Variants in RBM47 observed in about 807,000 individuals in gnomAD.
RBM47 encodes the protein RNA-binding protein 47.
A neutral mutation model predicts 47.1 loss-of-function variants in RBM47; 21 were observed. That is an observed-to-expected ratio of 0.45 (90% CI 0.32 to 0.64). The LOEUF (loss-of-function observed/expected upper bound fraction) is 0.64, where lower values mean the gene tolerates loss of function less well. RBM47 is among the 30% of genes least tolerant of loss of function. RBM47 has a pLI of 0.05. For missense variants in RBM47, 708 were observed against 870.9 expected (o/e 0.81, Z 2.35); for synonymous variants, 375 against 361.7 (o/e 1.04, Z -0.42).
At chr4:40,490,833 T>A (rs940848556) in intron 2 of RBM47, among the ~76,000 whole-genome samples, 2 of 152,058 alleles carry the variant, frequency 1.3e-5, no homozygotes, top group Non-Finnish European at 2.9e-5. Flanking sequence ...AAAATGACAA[T>A]ACTCCTCGAT....
chr4:40,575,791 G>A (rs1732241210), intron 1 of RBM47, among the ~76,000 whole-genome samples: 1 of 152,142 alleles, frequency 6.6e-6, no homozygotes, highest in Non-Finnish European at 1.5e-5. Context: ...AGTGATATTT[G>A]GTCATCTGGA....
At chr4:40,469,310 T>A (rs1322208701) in intron 2 of RBM47, among the ~76,000 whole-genome samples, 1 of 152,150 alleles carries the variant, frequency 6.6e-6, no homozygotes, top group Non-Finnish European at 1.5e-5. Flanking sequence ...GGATCACAGA[T>A]GTGCCTTTCA....
At chr4:40,581,519 T>C (rs1447765596) in intron 1 of RBM47, among the ~76,000 whole-genome samples, 7 of 151,320 alleles carry the variant, frequency 4.6e-5, no homozygotes, top group Admixed American at 4.6e-4. Flanking sequence ...CTGGGGAAGA[T>C]GAAGAATGAG....
At chr4:40,577,205 T>G (rs1732423639) in intron 1 of RBM47, among the ~76,000 whole-genome samples, 1 of 152,186 alleles carries the variant, frequency 6.6e-6, no homozygotes, top group Admixed American at 6.5e-5. Context: ...CCTGGAGTGC[T>G]GAGCCAAGAG....
rs959528249 is a variant in RBM47, at chr4:40,438,516, G to C, written c.378C>G (p.Arg126=). The change falls in exon 4 of 7, where the codon CGC becomes CGG. Residue 126 remains arginine (R), a synonymous_variant. Transcript: ENST00000295971. The part of the protein sequence containing the change: ...VMYCHKHEAK[R]AVRELNNYEI... Reference sequence around the variant, plus strand: ...CGTAGTTGTTGAGCTCACGCACTGCGCGCTTGGCCTCGTGCTTGTGGCAGT... The same window carrying C: ...CGTAGTTGTTGAGCTCACGCACTGCCCGCTTGGCCTCGTGCTTGTGGCAGT... 2 of 1,613,580 alleles carry C rather than the reference G, an allele frequency of 1.2e-6. No individual in the cohort carries two copies. Among genetic ancestry groups the C allele is most frequent in the Admixed American group, 3.3e-5 (2 of 60,002 alleles).
At chr4:40,484,011 T>A (rs751915549) in intron 2 of RBM47, among the ~76,000 whole-genome samples, 7 of 152,184 alleles carry the variant, frequency 4.6e-5, no homozygotes, top group Non-Finnish European at 8.8e-5. Context: ...CTTATAGGAA[T>A]GGTTAAATAA....
At chr4:40,580,180 G>A (rs920587653) in intron 1 of RBM47, among the ~76,000 whole-genome samples, 3 of 151,748 alleles carry the variant, frequency 2.0e-5, no homozygotes, top group South Asian at 2.1e-4. Flanking sequence ...AGTCAAATGA[G>A]TCCACTTCAT....
chr4:40,623,912 C>T (rs918820266), intron 1 of RBM47, among the ~76,000 whole-genome samples: 10 of 152,086 alleles, frequency 6.6e-5, no homozygotes, highest in South Asian at 2.1e-4. Context: ...AGTGCAGTGA[C>T]GCAATCTCGG....
Position 40,544,457 on chromosome 4 carries a change from T to C in RBM47, c.-190A>G, listed in dbSNP as rs1421023254. 1.3e-5 allele frequency: 2 copies of C among 152,234 alleles called. No homozygotes were observed. Among genetic ancestry groups the C allele is most frequent in the Non-Finnish European group, 2.9e-5 (2 of 68,060 alleles). 9.4% of individuals were successfully genotyped at this position (152,234 alleles called of 1,614,324 possible). ...CAGTGAGCCAAGGATTGCTGATCTC[T>C]GCTGGGTGACCTGACGCAGAGTCTC... On this transcript the variant is annotated 5_prime_UTR_variant, in exon 2 of 7. Transcript: ENST00000295971.
chr4:40,516,216 T>C (rs1208596439), intron 2 of RBM47, among the ~76,000 whole-genome samples: 1 of 151,856 alleles, frequency 6.6e-6, no homozygotes, highest in Admixed American at 6.6e-5. Flanking sequence ...GAGAGGAACA[T>C]AATGGGTGTT....
chr4:40,431,551 G>A (rs1035258634), intron 6 of RBM47, among the ~76,000 whole-genome samples: 5 of 151,988 alleles, frequency 3.3e-5, no homozygotes, highest in Non-Finnish European at 5.9e-5. Flanking sequence ...CCAGCTACTC[G>A]GGAGGCTGAG....
intron 2 of RBM47, among the ~76,000 whole-genome samples, chr4:40,535,705 G>A (rs577536464): frequency 9.2e-5 from 14 of 152,112 alleles, no homozygotes; most frequent in East Asian, 7.7e-4. Context: ...GATTACCAGC[G>A]CCTGCCACCA....
In RBM47 at chr4:40,437,090, A is replaced by AAT. The variant is rs1247522305; in HGVS notation, c.1124-445_1124-444dup. ...CCCTGTCTCAAAAAAAAAAAAAAAA[A>AAT]ATATATATATATATATATATAAAAT... On this transcript the variant is annotated intron_variant, in intron 4 of 6. Coordinates refer to ENST00000295971, the MANE Select transcript of RBM47 (RefSeq NM_001098634.2). Among the ~76,000 whole-genome samples the AAT allele has an allele frequency of 6.9e-3, 345 of 49,802 alleles. 34 individuals are homozygous for AAT. Among genetic ancestry groups the AAT allele is most frequent in the Non-Finnish European group, 8.4e-3 (253 of 30,200 alleles). The allele number at this position is 49,802 out of a possible 152,430, so 32.7% of individuals were successfully genotyped here. A position where few individuals can be genotyped will look rare whatever the true frequency, so the allele number is the denominator to read the frequency against.
At chr4:40,605,466 G>A (rs1006605157) in intron 1 of RBM47, among the ~76,000 whole-genome samples, 1 of 152,206 alleles carries the variant, frequency 6.6e-6, no homozygotes, top group Non-Finnish European at 1.5e-5. Context: ...ACACACTGCT[G>A]CTTTTAGGTG....
chr4:40,565,338 T>G (rs751774576), intron 1 of RBM47, among the ~76,000 whole-genome samples: 3 of 152,194 alleles, frequency 2.0e-5, no homozygotes, highest in Non-Finnish European at 4.4e-5. Context: ...CTAGCCAACC[T>G]TGGTGCTGGA....
intron 1 of RBM47, among the ~76,000 whole-genome samples, chr4:40,549,554 G>A (rs575598277): frequency 5.9e-4 from 80 of 136,410 alleles, no homozygotes; most frequent in Non-Finnish European, 7.9e-4. Context: ...ATGAAGTCTC[G>A]CTCTGTGGCC....
chr4:40,568,262 C>CA (rs35839949), intron 1 of RBM47, among the ~76,000 whole-genome samples: 101 of 150,520 alleles, frequency 6.7e-4, no homozygotes, highest in South Asian at 1.3e-3. Context: ...CCATTCTCTA[C>CA]AAAAAAAACA....
At chr4:40,606,411 G>A (rs578106868) in intron 1 of RBM47, among the ~76,000 whole-genome samples, 184 of 152,218 alleles carry the variant, frequency 1.2e-3, no homozygotes, top group Non-Finnish European at 2.2e-3. Flanking sequence ...TTTAACAAGT[G>A]AATGACATGG....
At chr4:40,625,356 G>A (rs1259102549) in intron 1 of RBM47, among the ~76,000 whole-genome samples, 1 of 152,144 alleles carries the variant, frequency 6.6e-6, no homozygotes, top group African/African-American at 2.4e-5. Context: ...CACGTGAAAT[G>A]CTTTACAAAC....
Sources: gnomAD v4.1 joint callset for allele counts (sites outside exome capture counted in the v4.1 genomes callset) on GRCh38, gnomAD v4.1.1 for gene constraint, MANE v1.5 for transcripts, NCBI Gene and HGNC (gene_info 2026-07-23, HGNC 2026-07-21) for gene names.